Variants in SCN10A observed in about 807,000 individuals in gnomAD.
The protein encoded by SCN10A is sodium channel protein type 10 subunit alpha.
SCN10A carries 162 observed loss-of-function variants against 170.7 expected under a neutral mutation model. The ratio of observed to expected loss-of-function variants is 0.95; its 90% CI spans 0.84 to 1.08. The LOEUF (loss-of-function observed/expected upper bound fraction) is 1.08. SCN10A is among the 50% of genes least tolerant of loss of function. The probability of loss-of-function intolerance (pLI) is 0.00; values close to 1 mark genes in which losing one functional copy is unlikely to be tolerated. For synonymous variants in SCN10A, 985 were observed against 904.6 expected, an observed-to-expected ratio of 1.09 and a Z score of -1.59; for missense variants, 2,527 against 2,436.9, an observed-to-expected ratio of 1.04 and a Z score of -0.78.
In SCN10A at chr3:38,752,434, T is replaced by A. The variant is rs2063758811; in HGVS notation, c.1540A>T (p.Ile514Phe). The A allele has an allele frequency of 6.2e-7, 1 of 1,613,224 alleles. No homozygotes were observed. The highest frequency in any genetic ancestry group is 1.7e-5 in the Admixed American group (1 of 59,912). ...VFHFRSPGRD[I>F]SLPEGVTDDG... ...TCTGTGACTCCCTCAGGGAGTGAGA[T>A]ATCTCGGCCAGGGGACCGGAAATGG... Residue 514 changes from isoleucine (I) to phenylalanine (F), a missense_variant, in exon 12 of 28, where the codon ATC becomes TTC. Transcript: ENST00000449082.
chr3:38,761,066 T>C, intron 7 of SCN10A, 126 bp downstream of exon 7: 1 of 759,210 alleles, frequency 1.3e-6, no homozygotes, highest in Non-Finnish European at 2.1e-6. Context: ...AAGAGAACCA[T>C]TTTGGCAGGA....
chr3:38,751,403 GA>G (rs2063745760), intron 12 of SCN10A, among the ~76,000 whole-genome samples: 1 of 152,192 alleles, frequency 6.6e-6, no homozygotes, highest in Non-Finnish European at 1.5e-5. Flanking sequence ...TAGCCCATCG[GA>G]GTGGTCCATC....
At chr3:38,710,693 G>A in intron 24 of SCN10A, 151 bp downstream of exon 24, 1 of 709,600 alleles carries the variant, frequency 1.4e-6, no homozygotes, top group South Asian at 1.8e-5. Flanking sequence ...CAGAGAGCCA[G>A]CTGGACACTG....
At chr3:38,700,048 G>A (rs1377389766) in intron 27 of SCN10A, among the ~76,000 whole-genome samples, 3 of 152,090 alleles carry the variant, frequency 2.0e-5, no homozygotes, top group Admixed American at 1.3e-4. Flanking sequence ...ACACAAACAA[G>A]CTCCCTTCTT....
At chr3:38,799,631 C>T (rs1412816613) in intron 1 of SCN10A, among the ~76,000 whole-genome samples, 1 of 152,104 alleles carries the variant, frequency 6.6e-6, no homozygotes, top group Non-Finnish European at 1.5e-5. Flanking sequence ...GCCTGATGCT[C>T]TACAGTTTGG....
intron 13 of SCN10A, among the ~76,000 whole-genome samples, chr3:38,746,655 G>C (rs540767323): frequency 6.6e-6 from 1 of 152,082 alleles, no homozygotes; most frequent in Non-Finnish European, 1.5e-5. Context: ...AGTTCTCCTG[G>C]TTCTCTAGGT....
At chr3:38,791,998 G>A (rs1359865760) in intron 3 of SCN10A, 52 bp downstream of exon 3, 7 of 1,603,204 alleles carry the variant, frequency 4.4e-6, no homozygotes, top group South Asian at 2.2e-5. Context: ...ACTGGACACA[G>A]TAGGCAAGGT....
chr3:38,798,272 T>C (rs1415961346), intron 1 of SCN10A, among the ~76,000 whole-genome samples: 2 of 152,126 alleles, frequency 1.3e-5, no homozygotes, highest in East Asian at 3.9e-4. Context: ...ACCAGTCCTG[T>C]CCCTTATTGG....
At position 38,719,088 on chromosome 3, in the gene SCN10A, G is replaced by A. The variant is rs77400992; in HGVS notation, c.3508-262C>T. Among the ~76,000 whole-genome samples the A allele has an allele frequency of 4.5e-3, 689 of 152,306 alleles. 5 individuals are homozygous for A. Among genetic ancestry groups the A allele is most frequent in the African/African-American group, 0.015 (620 of 41,552 alleles). On this transcript the variant is annotated intron_variant, in intron 20 of 27. Coordinates refer to ENST00000449082, the MANE Select transcript of SCN10A (RefSeq NM_006514.4). ...TACTTGCAGGGATGCTGAATGCAAG[G>A]GAGAAAGAAAACCTTCTCAAATTGG...
chr3:38,709,438 C>A, intron 25 of SCN10A, 40 bp downstream of exon 25: 1 of 1,574,810 alleles, frequency 6.3e-7, no homozygotes, highest in Non-Finnish European at 8.6e-7. Context: ...ATAAGGCTTA[C>A]CACTACAGCA....
intron 20 of SCN10A, among the ~76,000 whole-genome samples, chr3:38,721,879 A>G (rs2063393426): frequency 6.6e-6 from 1 of 152,228 alleles, no homozygotes; most frequent in Non-Finnish European, 1.5e-5. Flanking sequence ...TGGGGAGGTC[A>G]GAGGGTGGGA....
intron 11 of SCN10A, among the ~76,000 whole-genome samples, chr3:38,752,722 C>T (rs1489673760): frequency 6.6e-6 from 1 of 152,148 alleles, no homozygotes; most frequent in Non-Finnish European, 1.5e-5. Context: ...CCGGGAAAGA[C>T]CAGGAGAGAG....
intron 6 of SCN10A, among the ~76,000 whole-genome samples, chr3:38,762,385 T>C (rs995632254): frequency 1.2e-4 from 18 of 150,074 alleles, no homozygotes; most frequent in African/African-American, 4.4e-4. Flanking sequence ...GTGGGTGGAG[T>C]GTGAGGAAGG....
At chr3:38,779,384 C>A (rs185756108) in intron 4 of SCN10A, among the ~76,000 whole-genome samples, 9 of 152,124 alleles carry the variant, frequency 5.9e-5, no homozygotes, top group African/African-American at 2.2e-4. Flanking sequence ...CTAATCCAGT[C>A]ACATGAGACA....
chr3:38,736,816 C>T (rs982778161), intron 15 of SCN10A, among the ~76,000 whole-genome samples: 1 of 149,924 alleles, frequency 6.7e-6, no homozygotes, highest in African/African-American at 2.5e-5. Context: ...GGTAGCATTC[C>T]CCTGCAGAAT....
chr3:38,786,563 CAT>C (rs1259905550), intron 4 of SCN10A, among the ~76,000 whole-genome samples: 8 of 152,208 alleles, frequency 5.3e-5, no homozygotes, highest in Admixed American at 2.6e-4. Context: ...ACCACCATGA[CAT>C]GTGTATACCT....
At chr3:38,814,883 A>G (rs2064462413) in intron 1 of SCN10A, among the ~76,000 whole-genome samples, 1 of 152,260 alleles carries the variant, frequency 6.6e-6, no homozygotes, top group African/African-American at 2.4e-5. Context: ...TCCTTCCACA[A>G]CATGTGGCTA....
At chr3:38,794,560 A>T (rs776331034) in intron 1 of SCN10A, among the ~76,000 whole-genome samples, 6 of 152,036 alleles carry the variant, frequency 3.9e-5, no homozygotes, top group Non-Finnish European at 7.4e-5. Context: ...TTTCATTGGG[A>T]CCTCCAATTT....
At position 38,757,005 on chromosome 3, in the gene SCN10A, T is replaced by A. The variant is rs372250251; in HGVS notation, c.1092+13A>T. 8.7e-6 allele frequency: 14 copies of A among 1,605,956 alleles called. No homozygotes were observed. The highest frequency in any genetic ancestry group is 1.3e-5 in the African/African-American group (1 of 74,634). Reference sequence around the variant, plus strand: ...CTCCAACCAAGTCTGCGTGGGGGAATGCAGCTCAGTACCTGCTGGTAGAGG... The same window carrying A: ...CTCCAACCAAGTCTGCGTGGGGGAAAGCAGCTCAGTACCTGCTGGTAGAGG... On this transcript the variant is annotated intron_variant, in intron 9 of 27. Transcript: ENST00000449082.
Sources: gnomAD v4.1 joint callset for allele counts (sites outside exome capture counted in the v4.1 genomes callset) on GRCh38, gnomAD v4.1.1 for gene constraint, MANE v1.5 for transcripts, NCBI Gene and HGNC (gene_info 2026-07-23, HGNC 2026-07-21) for gene names.